The following SORT1 variants were observed in gnomAD, a reference collection of about 807,000 sequenced individuals.
SORT1 encodes the protein sortilin.
In SORT1, 39 loss-of-function variants were observed where a neutral mutation model predicts 101.7. The ratio of observed to expected loss-of-function variants is 0.38; its 90% CI spans 0.30 to 0.50. SORT1 has a LOEUF of 0.50. SORT1 is among the 20% of genes least tolerant of loss of function. The pLI is 0.90. For missense variants in SORT1, 878 were observed against 1,040.4 expected, an observed-to-expected ratio of 0.84 and a Z score of 2.15; for synonymous variants, 396 against 393.7, an observed-to-expected ratio of 1.01 and a Z score of -0.07.
chr1:109,345,896 A>G lies in SORT1; in HGVS notation c.833-15T>C, dbSNP rs78900677. 4.6e-4 allele frequency: 741 copies of G among 1,600,894 alleles called. 6 individuals carry two copies. In the East Asian group the frequency reaches 0.013, roughly 28 times the overall value. ...AAGGTCAGCTTCTTAAACAAGACAA[A>G]ATATTAATTAAAATTTCACTTACTG... On this transcript the variant is annotated splice_polypyrimidine_tract_variant and intron_variant, in intron 7 of 19. Coordinates refer to ENST00000256637, the MANE Select transcript of SORT1 (RefSeq NM_002959.7).
At chr1:109,382,654 T>C (rs895117963) in intron 1 of SORT1, among the ~76,000 whole-genome samples, 3 of 152,206 alleles carry the variant, frequency 2.0e-5, no homozygotes, top group Non-Finnish European at 2.9e-5. Flanking sequence ...CAGTGATTTC[T>C]GGTGTCCCAG....
rs1023680865 is a variant in SORT1 at position 109,311,902 on chromosome 1, G to T, written c.*2141C>A. The T allele has an allele frequency of 2.0e-5, 3 of 152,574 alleles. No individual in the cohort carries two copies. Among genetic ancestry groups the T allele is most frequent in the Non-Finnish European group, 4.4e-5 (3 of 68,042 alleles). 9.5% of individuals were successfully genotyped at this position (152,574 alleles called of 1,614,324 possible). ...CCAGCACTGCTTATCACACACACGG[G>T]GACCCTGAACAACTGACTCCATCCC... On this transcript the variant is annotated 3_prime_UTR_variant, in exon 20 of 20. Coordinates refer to ENST00000256637, the MANE Select transcript of SORT1 (RefSeq NM_002959.7).
intron 1 of SORT1, among the ~76,000 whole-genome samples, chr1:109,373,336 G>A (rs1462153823): frequency 1.3e-5 from 2 of 152,118 alleles, no homozygotes; most frequent in East Asian, 3.9e-4. Flanking sequence ...GAAGATTAGA[G>A]AAGAAAGACT....
intron 3 of SORT1, among the ~76,000 whole-genome samples, chr1:109,356,970 T>A (rs1650365180): frequency 6.6e-6 from 1 of 152,232 alleles, no homozygotes; most frequent in African/African-American, 2.4e-5. Context: ...ATAAATGTAA[T>A]CTGCAGTGGT....
intron 4 of SORT1, among the ~76,000 whole-genome samples, chr1:109,354,972 C>A (rs555423643): frequency 6.6e-6 from 1 of 152,086 alleles, no homozygotes; most frequent in Non-Finnish European, 1.5e-5. Flanking sequence ...TGCCTGTAAT[C>A]CCAGCACTTC....
chr1:109,350,194 G>A (rs1292273332), intron 6 of SORT1, among the ~76,000 whole-genome samples: 1 of 152,176 alleles, frequency 6.6e-6, no homozygotes, highest in African/African-American at 2.4e-5. Context: ...AAAGGGAAAG[G>A]AGAAAGAGGC....
intron 5 of SORT1, among the ~76,000 whole-genome samples, chr1:109,353,835 A>G (rs552178318): frequency 5.1e-4 from 77 of 152,300 alleles, no homozygotes; most frequent in African/African-American, 1.8e-3. Flanking sequence ...GAGAACTTTG[A>G]GAAGTGGGAG....
intron 6 of SORT1, among the ~76,000 whole-genome samples, chr1:109,348,317 T>A (rs17036935): frequency 0.044 from 6,636 of 151,860 alleles, 502 homozygotes; most frequent in African/African-American, 0.15. Flanking sequence ...AACTTTTGGT[T>A]GTAAATTCCT....
In SORT1 at chr1:109,314,397, ACCT is replaced by A. The variant is rs1321948626; in HGVS notation, c.2358-16_2358-14del. On this transcript the variant is annotated splice_polypyrimidine_tract_variant and intron_variant, in intron 18 of 19. Coordinates refer to ENST00000256637, the MANE Select transcript of SORT1 (RefSeq NM_002959.7). ...ATGCACCAGGAACCTGTGAACAGAA[ACCT>A]CCTTAACACTCGGTGGTACACAGCA... 6.2e-7 allele frequency: 1 copy of A among 1,612,252 alleles called. No individual in the cohort carries two copies. The highest frequency in any genetic ancestry group is 1.7e-5 in the Admixed American group (1 of 59,748).
intron 7 of SORT1, among the ~76,000 whole-genome samples, chr1:109,346,291 T>A (rs141706196): frequency 6.8e-6 from 1 of 146,798 alleles, no homozygotes; most frequent in Non-Finnish European, 1.5e-5. Context: ...CCAGCCTGTA[T>A]GACAGAGCAA....
Position 109,325,107 on chromosome 1 carries a change from G to C in SORT1, c.1644-18C>G, listed in dbSNP as rs1329069661. 2 of 1,570,840 alleles carry C rather than the reference G, an allele frequency of 1.3e-6. No homozygotes were observed. The highest frequency in any genetic ancestry group is 3.4e-5 in the Admixed American group (2 of 58,232). ...TGGAGAACCTGAAACCACAATTACA[G>C]AAAGATCATGACAGAGGATCAATGT... On this transcript the variant is annotated intron_variant, in intron 13 of 19. Transcript: ENST00000256637.
chr1:109,394,527 C>T (rs1270252577), intron 1 of SORT1, among the ~76,000 whole-genome samples: 2 of 152,174 alleles, frequency 1.3e-5, no homozygotes, highest in African/African-American at 4.8e-5. Context: ...CACCGGTCTC[C>T]TTAAACCGTA....
intron 17 of SORT1, among the ~76,000 whole-genome samples, chr1:109,315,644 G>A (rs1253311301): frequency 6.6e-6 from 1 of 151,772 alleles, no homozygotes; most frequent in Non-Finnish European, 1.5e-5. Context: ...AGCATCTGAA[G>A]TCATGCTGCT....
intron 15 of SORT1, among the ~76,000 whole-genome samples, chr1:109,321,326 G>A (rs1388656242): frequency 1.3e-5 from 2 of 152,184 alleles, no homozygotes; most frequent in Non-Finnish European, 2.9e-5. Flanking sequence ...GAAGTCGCCA[G>A]ACTTGGGGGT....
chr1:109,347,565 GT>G, intron 6 of SORT1, 33 bp from the exon 7 acceptor site: 1 of 1,478,888 alleles, frequency 6.8e-7, no homozygotes. Flanking sequence ...AAAAGAAATG[GT>G]TTAAGACTGC....
intron 7 of SORT1, among the ~76,000 whole-genome samples, chr1:109,346,744 CAA>C (rs1035471524): frequency 2.1e-4 from 10 of 46,724 alleles, no homozygotes; most frequent in Middle Eastern, 0.01. Context: ...GACTCCGTCT[CAA>C]AAAAAAAAAA....
chr1:109,355,292 A>T (rs1053085162), intron 4 of SORT1, 75 bp downstream of exon 4: 2 of 794,964 alleles, frequency 2.5e-6, no homozygotes, highest in Non-Finnish European at 4.6e-6. Flanking sequence ...TCACTGGACC[A>T]TGCCAATACT....
In SORT1 at chr1:109,342,172, C is replaced by T; in HGVS notation, c.964-14G>A. On this transcript the variant is annotated splice_polypyrimidine_tract_variant and intron_variant, in intron 8 of 19. Coordinates refer to ENST00000256637, the MANE Select transcript of SORT1 (RefSeq NM_002959.7). The stretch of plus-strand genomic sequence containing the variant: ...TCTTGTTGTATCCTAGAACAGATGT[C>T]AATATTTATCTTTCTAATTTTCTGC... 1 of 1,590,826 alleles carries T rather than the reference C, an allele frequency of 6.3e-7. No individual in the cohort carries two copies. Among genetic ancestry groups the T allele is most frequent in the Non-Finnish European group, 8.6e-7 (1 of 1,165,482 alleles).
At chr1:109,373,056 A>AAAAAG (rs1651589670) in intron 1 of SORT1, among the ~76,000 whole-genome samples, 1 of 152,252 alleles carries the variant, frequency 6.6e-6, no homozygotes, top group South Asian at 2.1e-4. Context: ...CTCCATCTCA[A>AAAAAG]AAAAGAAAAG....
Sources: gnomAD v4.1 joint callset for allele counts (sites outside exome capture counted in the v4.1 genomes callset) on GRCh38, gnomAD v4.1.1 for gene constraint, MANE v1.5 for transcripts, NCBI Gene and HGNC (gene_info 2026-07-23, HGNC 2026-07-21) for gene names.